Variants in STMN2 observed in about 807,000 individuals in gnomAD.
STMN2 encodes the protein stathmin-2.
In STMN2, 2 loss-of-function variants were observed where a neutral mutation model predicts 24.1. The observed-to-expected ratio is 0.08, with a 90% CI of 0.03 to 0.26. The LOEUF (loss-of-function observed/expected upper bound fraction) is 0.26, where lower values mean the gene tolerates loss of function less well. Ranked by LOEUF, STMN2 falls within the 10% of genes least tolerant of loss-of-function variation. The pLI is 1.00. For missense variants in STMN2, 114 were observed against 213.6 expected (o/e 0.53, Z 2.91); for synonymous variants, 83 against 77.5 (o/e 1.07, Z -0.37).
chr8:79,630,126 A>G (rs1670574169), intron 1 of STMN2, among the ~76,000 whole-genome samples: 1 of 152,216 alleles, frequency 6.6e-6, no homozygotes, highest in African/African-American at 2.4e-5. Flanking sequence ...TCCATTATCT[A>G]AAGACAATCA....
intron 3 of STMN2, among the ~76,000 whole-genome samples, chr8:79,649,187 C>T (rs1025965412): frequency 2.0e-5 from 3 of 151,982 alleles, no homozygotes; most frequent in Admixed American, 2.0e-4. Flanking sequence ...GTTTGTATAG[C>T]AATGGATTAT....
In STMN2 at chr8:79,636,877, T is replaced by G. The variant is rs1270166656; in HGVS notation, c.95T>G (p.Ile32Ser). Residue 32 changes from isoleucine (I) to serine (S), a missense_variant, in exon 2 of 5, where the codon ATC becomes AGC. By Grantham distance (142) the Ile-to-Ser change is moderately radical. Transcript: ENST00000220876. ...CSCFYPEPRN[I>S]NIYTYDDMEV... ...TGCTTTTACCCGGAACCTCGCAACA[T>G]CAACATCTATACTTACGATGGTGAG... 1 of 1,613,676 alleles carries G rather than the reference T, an allele frequency of 6.2e-7. No homozygotes were observed. Among genetic ancestry groups the G allele is most frequent in the Non-Finnish European group, 8.5e-7 (1 of 1,179,760 alleles).
At chr8:79,636,323 C>A (rs977808010) in intron 1 of STMN2, among the ~76,000 whole-genome samples, 2 of 152,204 alleles carry the variant, frequency 1.3e-5, no homozygotes, top group Non-Finnish European at 2.9e-5. Flanking sequence ...TGCTTAATAA[C>A]TATCCTGATG....
At chr8:79,658,209 A>C (rs1401533215) in intron 4 of STMN2, among the ~76,000 whole-genome samples, 1 of 152,170 alleles carries the variant, frequency 6.6e-6, no homozygotes, top group African/African-American at 2.4e-5. Context: ...CTGAGATGAA[A>C]GGATTGCTTG....
intron 1 of STMN2, among the ~76,000 whole-genome samples, chr8:79,629,300 A>G (rs1809742835): frequency 6.6e-6 from 1 of 152,268 alleles, no homozygotes; most frequent in African/African-American, 2.4e-5. Flanking sequence ...AAAATAGAAT[A>G]TATTTATTCT....
rs374150325 is a variant in STMN2 at position 79,662,875 on chromosome 8, G to C, written c.481-1940G>C. The stretch of plus-strand genomic sequence containing the variant: ...CTGGGCTTTTTCTCAATTTTTGCCA[G>C]AGCTCAGCTCTCACTAATTAGTTTC... On this transcript the variant is annotated intron_variant, in intron 4 of 4. Coordinates refer to ENST00000220876, the MANE Select transcript of STMN2 (RefSeq NM_007029.4). 2.6e-5 allele frequency among the ~76,000 whole-genome samples: 4 copies of C among 152,130 alleles called. No homozygotes were observed. In the South Asian group the frequency reaches 8.3e-4, roughly 32 times the overall value.
chr8:79,647,506 C>T (rs562924500), intron 3 of STMN2, among the ~76,000 whole-genome samples: 1 of 152,304 alleles, frequency 6.6e-6, no homozygotes, highest in South Asian at 2.1e-4. Flanking sequence ...AGCTGGAAGG[C>T]TGCCACAGAG....
At chr8:79,620,908 G>A in intron 1 of STMN2, 1 of 949,462 alleles carries the variant, frequency 1.1e-6, no homozygotes, top group Non-Finnish European at 1.3e-6. Context: ...CAAGCTCCCA[G>A]GTGGTGCTGA....
chr8:79,611,127 C>G lies in STMN2; in HGVS notation c.-69C>G. On this transcript the variant is annotated 5_prime_UTR_variant, in exon 1 of 5. Coordinates refer to ENST00000220876, the MANE Select transcript of STMN2 (RefSeq NM_007029.4). ...CTCAGTGCCTTATTCAGTCTTCTCTCTCGCTCTCTCCGCTGCTGTAGCCGG... is the reference window on the plus strand; with the variant it reads ...CTCAGTGCCTTATTCAGTCTTCTCTGTCGCTCTCTCCGCTGCTGTAGCCGG... The G allele has an allele frequency of 1.2e-6, 2 of 1,608,106 alleles. No individual in the cohort carries two copies. Among genetic ancestry groups the G allele is most frequent in the Non-Finnish European group, 1.7e-6 (2 of 1,176,010 alleles).
intron 1 of STMN2, among the ~76,000 whole-genome samples, chr8:79,628,193 T>C (rs1232002924): frequency 6.6e-6 from 1 of 152,058 alleles, no homozygotes; most frequent in African/African-American, 2.4e-5. Flanking sequence ...AGACAGAGCC[T>C]TGCTATGTCG....
At chr8:79,637,621 G>GT (rs1399440325) in intron 2 of STMN2, among the ~76,000 whole-genome samples, 1 of 152,166 alleles carries the variant, frequency 6.6e-6, no homozygotes, top group Non-Finnish European at 1.5e-5. Flanking sequence ...ACGGTTTAAT[G>GT]TAAGTCAAAT....
At chr8:79,621,397 A>G (rs1809512453) in intron 1 of STMN2, among the ~76,000 whole-genome samples, 1 of 152,226 alleles carries the variant, frequency 6.6e-6, no homozygotes, top group African/African-American at 2.4e-5. Context: ...AAGGAGCGCA[A>G]TCAAAAACTG....
intron 4 of STMN2, among the ~76,000 whole-genome samples, chr8:79,660,270 T>A (rs574736822): frequency 1.3e-5 from 2 of 152,294 alleles, no homozygotes; most frequent in East Asian, 3.9e-4. Context: ...TAATCCAGAT[T>A]GTATCATATC....
chr8:79,615,771 A>G (rs1809369547), intron 1 of STMN2, among the ~76,000 whole-genome samples: 2 of 152,196 alleles, frequency 1.3e-5, no homozygotes, highest in African/African-American at 4.8e-5. Context: ...AGCTTGTACA[A>G]TTTTCAAGGA....
At chr8:79,637,454 T>C (rs888333680) in intron 2 of STMN2, among the ~76,000 whole-genome samples, 1 of 152,194 alleles carries the variant, frequency 6.6e-6, no homozygotes, top group Admixed American at 6.5e-5. Context: ...GCAATTAACA[T>C]GATTGAGGTG....
chr8:79,655,333 G>C (rs969608781), intron 4 of STMN2, among the ~76,000 whole-genome samples: 2 of 152,114 alleles, frequency 1.3e-5, no homozygotes, highest in African/African-American at 4.8e-5. Context: ...TTTGAAATGT[G>C]TAAGACTTCT....
At chr8:79,644,876 C>T (rs924154661) in intron 3 of STMN2, among the ~76,000 whole-genome samples, 3 of 152,076 alleles carry the variant, frequency 2.0e-5, no homozygotes, top group African/African-American at 4.8e-5. Context: ...TGAGCCAGGC[C>T]GGGTGTGGTG....
intron 1 of STMN2, among the ~76,000 whole-genome samples, chr8:79,623,375 C>T (rs989372799): frequency 6.6e-6 from 1 of 152,152 alleles, no homozygotes. Context: ...TAGTATTCAT[C>T]CAGCAACTGA....
chr8:79,661,668 C>G (rs77851962), intron 4 of STMN2, among the ~76,000 whole-genome samples: 6,573 of 152,162 alleles, frequency 0.043, 207 homozygotes, highest in South Asian at 0.13. Flanking sequence ...AAAGAAAATA[C>G]TGTGATTATC....
Sources: allele counts gnomAD v4.1 joint callset (sites outside exome capture counted in the v4.1 genomes callset), GRCh38; gene constraint gnomAD v4.1.1; transcripts MANE v1.5; gene names NCBI Gene and HGNC (gene_info 2026-07-23, HGNC 2026-07-21).